CERS6: variants seen among roughly 807,000 people sequenced by gnomAD.
CERS6 encodes ceramide synthase 6.
CERS6 carries 26 observed loss-of-function variants against 56.8 expected under a neutral mutation model. The observed-to-expected ratio is 0.46, with a 90% CI of 0.34 to 0.63. The LOEUF (loss-of-function observed/expected upper bound fraction) is 0.63. CERS6 is among the 30% of genes least tolerant of loss of function. The pLI, the probability that CERS6 is intolerant of heterozygous loss-of-function variation, is 0.01. For synonymous variants in CERS6, 164 were observed against 173.3 expected (o/e 0.95, Z 0.42); for missense variants, 415 against 467.5 (o/e 0.89, Z 1.04).
chr2:168,540,632 T>C (rs1260928766), intron 1 of CERS6, among the ~76,000 whole-genome samples: 1 of 152,236 alleles, frequency 6.6e-6, no homozygotes, highest in Non-Finnish European at 1.5e-5. Flanking sequence ...ATCATGTGAT[T>C]CTCAGAATGT....
At chr2:168,480,130 G>A (rs1694152868) in intron 1 of CERS6, among the ~76,000 whole-genome samples, 1 of 152,204 alleles carries the variant, frequency 6.6e-6, no homozygotes, top group Admixed American at 6.5e-5. Flanking sequence ...AGCAGCGACT[G>A]GGTTTTGCTT....
chr2:168,659,536 A>T (rs1363990716), intron 4 of CERS6, among the ~76,000 whole-genome samples: 1 of 152,228 alleles, frequency 6.6e-6, no homozygotes, highest in Non-Finnish European at 1.5e-5. Context: ...TTATCATAAG[A>T]TGTAGAAAGA....
At position 168,721,048 on chromosome 2, in the gene CERS6, A is replaced by G. The variant is rs370247375; in HGVS notation, c.845+3070A>G. Among the ~76,000 whole-genome samples the G allele has an allele frequency of 2.1e-4, 32 of 152,296 alleles. No individual in the cohort carries two copies. The East Asian group carries it at 3.1e-3, about 15-fold the overall frequency. On this transcript the variant is annotated intron_variant, in intron 8 of 9. Transcript: ENST00000305747. The stretch of plus-strand genomic sequence containing the variant: ...GAGAACATCATAGCGCAATGCATTC[A>G]TTACTGATGTATTTGTGTTGATGCT...
intron 4 of CERS6, among the ~76,000 whole-genome samples, chr2:168,653,620 C>T (rs555798416): frequency 2.0e-5 from 3 of 152,334 alleles, no homozygotes; most frequent in African/African-American, 4.8e-5. Context: ...ATCAGCTCCA[C>T]GTGACTGCCT....
intron 3 of CERS6, among the ~76,000 whole-genome samples, chr2:168,607,944 G>A (rs1318100141): frequency 6.6e-6 from 1 of 152,144 alleles, no homozygotes; most frequent in Non-Finnish European, 1.5e-5. Context: ...GTTCTTTAAT[G>A]TATGTTCCAT....
rs547426429 is a variant in CERS6 at position 168,720,388 on chromosome 2, G to A, written c.845+2410G>A. Among the ~76,000 whole-genome samples, 62 of 152,222 alleles carry A rather than the reference G, an allele frequency of 4.1e-4. No homozygotes were observed. In the South Asian group the frequency reaches 5.6e-3, roughly 14 times the overall value. ...CATTTCAAGTGCTCAGTAGCCACAC[G>A]TGCCTAGCTTATTGGACAGTGCATT... is the stretch of plus-strand genomic sequence containing the variant. On this transcript the variant is annotated intron_variant, in intron 8 of 9. Coordinates refer to ENST00000305747, the MANE Select transcript of CERS6 (RefSeq NM_203463.3).
Position 168,610,721 on chromosome 2 carries a change from C to A in CERS6, c.408-20264C>A, listed in dbSNP as rs544242206. 6.6e-5 allele frequency among the ~76,000 whole-genome samples: 10 copies of A among 152,326 alleles called. No homozygotes were observed. The East Asian group carries it at 1.7e-3, about 26-fold the overall frequency. ...ATCTCTGCCACATACTATAGTTATA[C>A]TGTTAAAGAGTTTAAAGCACAGGTT... is the stretch of plus-strand genomic sequence containing the variant. On this transcript the variant is annotated intron_variant, in intron 3 of 9. Transcript: ENST00000305747.
intron 1 of CERS6, among the ~76,000 whole-genome samples, chr2:168,485,346 ATT>A (rs1220366528): frequency 1.5e-4 from 19 of 129,632 alleles, no homozygotes; most frequent in African/African-American, 5.3e-4. Context: ...TGGATACATT[ATT>A]ATTAACTAAA....
intron 3 of CERS6, among the ~76,000 whole-genome samples, chr2:168,574,187 C>A (rs1037699410): frequency 2.0e-5 from 3 of 152,132 alleles, no homozygotes; most frequent in African/African-American, 2.4e-5. Context: ...AAGACTTGAA[C>A]TTATGTGCAT....
chr2:168,725,181 G>A (rs1467958739), intron 8 of CERS6, among the ~76,000 whole-genome samples: 1 of 152,232 alleles, frequency 6.6e-6, no homozygotes, highest in Non-Finnish European at 1.5e-5. Context: ...AGGGCCGGCC[G>A]GCTGCTTCAA....
intron 3 of CERS6, among the ~76,000 whole-genome samples, chr2:168,573,432 CAG>C (rs990646085): frequency 6.6e-6 from 1 of 152,052 alleles, no homozygotes; most frequent in African/African-American, 2.4e-5. Context: ...ATTTGGGGGA[CAG>C]AGTTACTATT....
chr2:168,762,094 G>T (rs1331309872), intron 8 of CERS6, among the ~76,000 whole-genome samples: 1 of 151,882 alleles, frequency 6.6e-6, no homozygotes, highest in Non-Finnish European at 1.5e-5. Context: ...AATGAGTGCA[G>T]CAAACCACCA....
At chr2:168,766,236 C>T (rs1684726419) in intron 9 of CERS6, 1 of 1,281,558 alleles carries the variant, frequency 7.8e-7, no homozygotes, top group African/African-American at 1.5e-5. Flanking sequence ...CAGCCCCAAC[C>T]CTGTGTGTAG....
At chr2:168,587,528 CCTCAATGT>C (rs1683572326) in intron 3 of CERS6, among the ~76,000 whole-genome samples, 1 of 152,178 alleles carries the variant, frequency 6.6e-6, no homozygotes, top group Admixed American at 6.5e-5. Flanking sequence ...TTGGCCTCTG[CCTCAATGT>C]CAAGTGATGA....
chr2:168,558,795 G>A (rs962825935), intron 2 of CERS6, among the ~76,000 whole-genome samples: 2 of 152,212 alleles, frequency 1.3e-5, no homozygotes, highest in African/African-American at 4.8e-5. Context: ...TGTGAACCCA[G>A]GAGGTGGAGC....
At chr2:168,529,249 A>G (rs1397372267) in intron 1 of CERS6, among the ~76,000 whole-genome samples, 2 of 152,212 alleles carry the variant, frequency 1.3e-5, no homozygotes, top group East Asian at 3.8e-4. Context: ...CTCGATTGTG[A>G]AACAGGCACA....
At chr2:168,527,546 G>A (rs945444670) in intron 1 of CERS6, among the ~76,000 whole-genome samples, 1 of 152,152 alleles carries the variant, frequency 6.6e-6, no homozygotes, top group African/African-American at 2.4e-5. Context: ...CAGTTCTAGA[G>A]GCTGGGAAGT....
chr2:168,630,926 C>G, intron 3 of CERS6, 59 bp from the exon 4 acceptor site: 1 of 738,704 alleles, frequency 1.4e-6, no homozygotes, highest in Non-Finnish European at 2.2e-6. Context: ...TTACATATTT[C>G]AGTATATGCT....
intron 8 of CERS6, among the ~76,000 whole-genome samples, chr2:168,756,452 T>C (rs1448324123): frequency 6.6e-6 from 1 of 152,228 alleles, no homozygotes; most frequent in Non-Finnish European, 1.5e-5. Context: ...AAAGGAATTA[T>C]ATAATTTTCA....
Sources: gnomAD v4.1 joint callset for allele counts (sites outside exome capture counted in the v4.1 genomes callset) on GRCh38, gnomAD v4.1.1 for gene constraint, MANE v1.5 for transcripts, NCBI Gene and HGNC (gene_info 2026-07-23, HGNC 2026-07-21) for gene names.